The following RERE variants were observed in gnomAD, a reference collection of about 807,000 sequenced individuals.
RERE encodes arginine-glutamic acid dipeptide repeats.
A neutral mutation model predicts 146.1 loss-of-function variants in RERE; 40 were observed. The ratio of observed to expected loss-of-function variants is 0.27; its 90% CI spans 0.21 to 0.36. The LOEUF (loss-of-function observed/expected upper bound fraction) is 0.36. RERE is among the 10% of genes least tolerant of loss of function. RERE has a pLI of 1.00. For missense variants in RERE, 1,933 were observed against 2,138.7 expected, an observed-to-expected ratio of 0.90 and a Z score of 1.90; for synonymous variants, 1,003 against 866.0, an observed-to-expected ratio of 1.16 and a Z score of -2.78.
chr1:8,371,233 TG>T (rs897713845), intron 12 of RERE, among the ~76,000 whole-genome samples: 10 of 151,984 alleles, frequency 6.6e-5, no homozygotes, highest in Non-Finnish European at 1.3e-4. Flanking sequence ...CTTTTGGCGG[TG>T]GGGGGGCTAA....
At chr1:8,567,687 G>A (rs1646168613) in intron 4 of RERE, among the ~76,000 whole-genome samples, 1 of 152,152 alleles carries the variant, frequency 6.6e-6, no homozygotes, top group Non-Finnish European at 1.5e-5. Context: ...GAAATTTTCA[G>A]ACAATTCATT....
chr1:8,692,245 G>A (rs1639221625), intron 1 of RERE, among the ~76,000 whole-genome samples: 3 of 152,036 alleles, frequency 2.0e-5, no homozygotes, highest in Non-Finnish European at 4.4e-5. Context: ...GGTATCCAAG[G>A]GGAACTGGTT....
At chr1:8,708,584 C>T (rs930134707) in intron 1 of RERE, among the ~76,000 whole-genome samples, 5 of 152,090 alleles carry the variant, frequency 3.3e-5, no homozygotes, top group Non-Finnish European at 5.9e-5. Context: ...CCTCAGTCTC[C>T]GAAAGTGCTG....
intron 6 of RERE, among the ~76,000 whole-genome samples, chr1:8,542,072 C>T (rs747881549): frequency 1.1e-4 from 17 of 152,120 alleles, no homozygotes; most frequent in Non-Finnish European, 2.2e-4. Flanking sequence ...TTCCATGCAC[C>T]AAGTATCAAC....
Position 8,358,801 on chromosome 1 carries a change from T to C in RERE, c.3734A>G (p.Tyr1245Cys). 5.6e-6 allele frequency: 9 copies of C among 1,612,378 alleles called. No individual in the cohort carries two copies. Among genetic ancestry groups the C allele is most frequent in the Non-Finnish European group, 7.6e-6 (9 of 1,179,162 alleles). Reference sequence around the variant, plus strand: ...AAGGGCAGGTGTGTCGGGCCCGATGTAGGGGGGCACAGCAGCAATGGTGGT... The same window carrying C: ...AAGGGCAGGTGTGTCGGGCCCGATGCAGGGGGGCACAGCAGCAATGGTGGT... ...PPTTIAAVPP[Y>C]IGPDTPALRT... Residue 1245 changes from tyrosine (Y) to cysteine (C), a missense_variant, in exon 20 of 23, where the codon TAC becomes TGC. Around this residue, in one of 11 missense-constraint regions of RERE, gnomAD observed 1,255 missense variants for 1,153.8 expected, o/e 1.09. Transcript: ENST00000400908.
intron 1 of RERE, among the ~76,000 whole-genome samples, chr1:8,802,436 AGTACTCAC>A (rs1641606859): frequency 6.6e-6 from 1 of 152,260 alleles, no homozygotes; most frequent in Admixed American, 6.5e-5. Context: ...AAGCAGCAAA[AGTACTCAC>A]CATTTCCCAA....
intron 12 of RERE, among the ~76,000 whole-genome samples, chr1:8,415,546 C>T (rs1280655597): frequency 6.6e-6 from 1 of 152,180 alleles, no homozygotes; most frequent in African/African-American, 2.4e-5. Flanking sequence ...TGTAGGATAA[C>T]GCCAAGGTCA....
intron 11 of RERE, among the ~76,000 whole-genome samples, chr1:8,456,566 A>G (rs1297757764): frequency 6.6e-6 from 1 of 152,224 alleles, no homozygotes; most frequent in Non-Finnish European, 1.5e-5. Flanking sequence ...CAATGTTAGG[A>G]GAAAACAGAA....
chr1:8,618,511 A>AC (rs1438848121), intron 3 of RERE, among the ~76,000 whole-genome samples: 2 of 151,922 alleles, frequency 1.3e-5, no homozygotes, highest in Non-Finnish European at 2.9e-5. Context: ...CTTCCTGCCC[A>AC]CCCCCCAACC....
intron 8 of RERE, among the ~76,000 whole-genome samples, chr1:8,501,794 G>A (rs1248493510): frequency 1.6e-5 from 2 of 126,256 alleles, no homozygotes; most frequent in South Asian, 2.6e-4. Flanking sequence ...CAGCCGCCCC[G>A]ACCGGGAGGT....
intron 1 of RERE, among the ~76,000 whole-genome samples, chr1:8,717,499 C>T (rs936913850): frequency 2.0e-5 from 3 of 152,144 alleles, no homozygotes; most frequent in African/African-American, 7.2e-5. Flanking sequence ...TGCTTTAGTT[C>T]TGGTTTGTTA....
intron 7 of RERE, among the ~76,000 whole-genome samples, chr1:8,520,357 G>A (rs1351887826): frequency 6.6e-6 from 1 of 152,098 alleles, no homozygotes; most frequent in African/African-American, 2.4e-5. Context: ...CTCCCACAGG[G>A]TCCTCCTAAA....
chr1:8,610,814 T>C (rs1258061785), intron 4 of RERE, among the ~76,000 whole-genome samples: 1 of 151,616 alleles, frequency 6.6e-6, no homozygotes, highest in Non-Finnish European at 1.5e-5. Flanking sequence ...AAAGGTTAAT[T>C]AACATATCCT....
At chr1:8,385,534 A>C (rs1409535932) in intron 12 of RERE, among the ~76,000 whole-genome samples, 2 of 152,176 alleles carry the variant, frequency 1.3e-5, no homozygotes, top group Non-Finnish European at 1.5e-5. Context: ...TACAGGAATT[A>C]CCCAGATGCC....
intron 11 of RERE, among the ~76,000 whole-genome samples, chr1:8,432,250 C>T (rs1391995115): frequency 6.6e-6 from 1 of 152,102 alleles, no homozygotes; most frequent in Non-Finnish European, 1.5e-5. Context: ...ACTGCAGTAC[C>T]CCATCCTGAT....
chr1:8,474,764 G>A (rs1160663917), intron 10 of RERE, among the ~76,000 whole-genome samples: 1 of 152,132 alleles, frequency 6.6e-6, no homozygotes, highest in African/African-American at 2.4e-5. Flanking sequence ...AAATGGCATT[G>A]CATCTGGCAG....
In RERE at chr1:8,624,330, T is replaced by C. The variant is rs774550155; in HGVS notation, c.376A>G (p.Ser126Gly). 4 of 1,611,266 alleles carry C rather than the reference T, an allele frequency of 2.5e-6. No homozygotes were observed. The highest frequency in any genetic ancestry group is 3.4e-6 in the Non-Finnish European group (4 of 1,179,202). The change falls in exon 3 of 23, where the codon AGC becomes GGC. Residue 126 changes from serine to glycine, a missense_variant. By Grantham distance (56) the Ser-to-Gly change is moderately conservative. Around this residue, in one of 11 missense-constraint regions of RERE, gnomAD observed 74 missense variants for 99.6 expected, o/e 0.74. Coordinates refer to ENST00000400908, the MANE Select transcript of RERE (RefSeq NM_001042681.2). ...CTTACCAGTTTGAAGTCTTGAATGC[T>C]ACAGATGAAATACGGTGTGTTTGGC... is the stretch of plus-strand genomic sequence containing the variant. The part of the protein sequence containing the change: ...RRPNTPYFIC[S>G]IQDFKLVHNS...
At chr1:8,562,543 C>T (rs771518590) in intron 4 of RERE, among the ~76,000 whole-genome samples, 20 of 152,130 alleles carry the variant, frequency 1.3e-4, no homozygotes, top group Non-Finnish European at 2.2e-4. Context: ...GGCTGGAGTG[C>T]AATGGCACCA....
chr1:8,559,098 C>T (rs1026513062), intron 4 of RERE, among the ~76,000 whole-genome samples: 2 of 150,194 alleles, frequency 1.3e-5, no homozygotes, highest in Non-Finnish European at 3.0e-5. Flanking sequence ...CCACGCCGGC[C>T]GAAAATGTGC....
Sources: allele counts gnomAD v4.1 joint callset (sites outside exome capture counted in the v4.1 genomes callset), GRCh38; gene constraint gnomAD v4.1.1; regional missense constraint gnomAD v4.1.1; transcripts MANE v1.5; gene names NCBI Gene and HGNC (gene_info 2026-07-23, HGNC 2026-07-21).